FAM13C: variants seen among roughly 807,000 people sequenced by gnomAD.
The protein encoded by FAM13C is protein FAM13C.
In FAM13C, 37 loss-of-function variants were observed where a neutral mutation model predicts 73.2. The observed-to-expected ratio is 0.51, with a 90% CI of 0.39 to 0.67. The LOEUF (loss-of-function observed/expected upper bound fraction) is 0.67, where lower values mean the gene tolerates loss of function less well. Ranked by LOEUF, FAM13C falls within the 30% of genes least tolerant of loss-of-function variation. The pLI, the probability that FAM13C is intolerant of heterozygous loss-of-function variation, is 0.00. For synonymous variants in FAM13C, 246 were observed against 260.9 expected (o/e 0.94, Z 0.55); for missense variants, 589 against 715.6 (o/e 0.82, Z 2.02).
chr10:59,306,993 A>G (rs1402875983), intron 4 of FAM13C, among the ~76,000 whole-genome samples: 2 of 152,202 alleles, frequency 1.3e-5, no homozygotes, highest in Non-Finnish European at 2.9e-5. Flanking sequence ...CAAAGTATGG[A>G]GTGAAAGAGA....
At chr10:59,359,318 T>C (rs912863798) in intron 1 of FAM13C, among the ~76,000 whole-genome samples, 29 of 152,242 alleles carry the variant, frequency 1.9e-4, no homozygotes, top group Non-Finnish European at 2.8e-4. Context: ...TCAGTCTATA[T>C]GCCAGAGGAT....
At chr10:59,322,375 C>G (rs984513108) in intron 4 of FAM13C, among the ~76,000 whole-genome samples, 1 of 152,170 alleles carries the variant, frequency 6.6e-6, no homozygotes, top group African/African-American at 2.4e-5. Context: ...GTGCACAGAA[C>G]AGTCTGGAAT....
At chr10:59,286,534 T>TACAC (rs1554820185) in intron 5 of FAM13C, among the ~76,000 whole-genome samples, 5 of 141,936 alleles carry the variant, frequency 3.5e-5, no homozygotes, top group Non-Finnish European at 6.1e-5. Flanking sequence ...TATATATATA[T>TACAC]ATATATATTC....
intron 10 of FAM13C, among the ~76,000 whole-genome samples, chr10:59,259,178 T>G (rs1842231829): frequency 6.6e-6 from 1 of 152,178 alleles, no homozygotes; most frequent in African/African-American, 2.4e-5. Context: ...GGAAGAAAAT[T>G]ACTCATTGAC....
At chr10:59,358,580 G>T (rs1345683141) in intron 1 of FAM13C, among the ~76,000 whole-genome samples, 1 of 152,148 alleles carries the variant, frequency 6.6e-6, no homozygotes, top group East Asian at 1.9e-4. Context: ...CATCAATGAA[G>T]AACAAAAATC....
At chr10:59,254,174 T>C (rs1186248223) in intron 11 of FAM13C, 174 bp downstream of exon 11, 1 of 407,662 alleles carries the variant, frequency 2.5e-6, no homozygotes, top group African/African-American at 2.1e-5. Context: ...CAGCCACTGT[T>C]AAATATAGTA....
intron 6 of FAM13C, among the ~76,000 whole-genome samples, chr10:59,274,437 C>T (rs1844093485): frequency 6.6e-6 from 1 of 152,096 alleles, no homozygotes; most frequent in Non-Finnish European, 1.5e-5. Context: ...TGAAAAGGGA[C>T]TCTGCATTGG....
intron 10 of FAM13C, among the ~76,000 whole-genome samples, chr10:59,261,418 G>A (rs1403022824): frequency 6.6e-6 from 1 of 152,094 alleles, no homozygotes; most frequent in Non-Finnish European, 1.5e-5. Context: ...GTCACTTTAT[G>A]ATTAATACCA....
At chr10:59,342,397 G>A (rs900031881) in intron 3 of FAM13C, among the ~76,000 whole-genome samples, 5 of 151,658 alleles carry the variant, frequency 3.3e-5, no homozygotes, top group Non-Finnish European at 7.4e-5. Context: ...CAGACCACAT[G>A]AGTACAACTG....
intron 3 of FAM13C, among the ~76,000 whole-genome samples, chr10:59,335,637 C>A (rs1195210217): frequency 6.6e-6 from 1 of 152,154 alleles, no homozygotes; most frequent in Admixed American, 6.5e-5. Context: ...AAGGACCAGT[C>A]CCTAACAACA....
chr10:59,267,316 G>T (rs1308610262), intron 8 of FAM13C, among the ~76,000 whole-genome samples: 1 of 152,168 alleles, frequency 6.6e-6, no homozygotes, highest in East Asian at 1.9e-4. Flanking sequence ...TTCTATTGCA[G>T]AACCTACTCA....
chr10:59,329,323 CT>C (rs1170726288), intron 3 of FAM13C, among the ~76,000 whole-genome samples: 1 of 82,910 alleles, frequency 1.2e-5, no homozygotes, highest in African/African-American at 3.4e-5. Flanking sequence ...ATTTTTTTTT[CT>C]TTTTTTCTTT....
chr10:59,272,747 C>T lies in FAM13C; in HGVS notation c.593-2638G>A, dbSNP rs73298151. On this transcript the variant is annotated intron_variant, in intron 6 of 13. Coordinates refer to ENST00000618804, the MANE Select transcript of FAM13C (RefSeq NM_198215.4). The stretch of plus-strand genomic sequence containing the variant: ...TGTTTGGCCTGTCTTCCTCACAGGA[C>T]TGTGATAAGAAAAATAAAAGGAGAC... 9.4e-3 allele frequency among the ~76,000 whole-genome samples: 1,438 copies of T among 152,190 alleles called. 24 individuals are homozygous for T. The highest frequency in any genetic ancestry group is 0.033 in the African/African-American group (1,364 of 41,516).
chr10:59,310,657 C>G (rs1848814952), intron 4 of FAM13C, among the ~76,000 whole-genome samples: 1 of 152,120 alleles, frequency 6.6e-6, no homozygotes, highest in East Asian at 1.9e-4. Context: ...TGTTCAGAAA[C>G]TGACTTCCCA....
chr10:59,285,669 A>G (rs1185876197), intron 5 of FAM13C, among the ~76,000 whole-genome samples: 1 of 152,194 alleles, frequency 6.6e-6, no homozygotes, highest in Non-Finnish European at 1.5e-5. Flanking sequence ...CATTACTCAC[A>G]ATAACCAAGA....
intron 3 of FAM13C, among the ~76,000 whole-genome samples, chr10:59,332,289 T>C (rs549594699): frequency 6.6e-6 from 1 of 152,200 alleles, no homozygotes; most frequent in East Asian, 1.9e-4. Context: ...TTTTTTTATG[T>C]GGGATATGTT....
intron 6 of FAM13C, among the ~76,000 whole-genome samples, chr10:59,274,280 G>GT (rs1844073482): frequency 6.6e-6 from 1 of 152,168 alleles, no homozygotes; most frequent in Non-Finnish European, 1.5e-5. Flanking sequence ...GCACTAAAGG[G>GT]TTAGCTATAT....
Position 59,331,149 on chromosome 10 carries a change from G to C in FAM13C, c.325-7043C>G, listed in dbSNP as rs370914934. On this transcript the variant is annotated intron_variant, in intron 3 of 13. Transcript: ENST00000618804. ...GCAGTGGCAATGGTGGTGGGGGATG[G>C]AAGAGGTGGCAAGACACAAACTATA... Among the ~76,000 whole-genome samples, 22 of 152,328 alleles carry C rather than the reference G, an allele frequency of 1.4e-4. No individual in the cohort carries two copies. In the East Asian group the frequency reaches 3.1e-3, roughly 21 times the overall value.
chr10:59,309,375 A>G (rs1310666589), intron 4 of FAM13C, among the ~76,000 whole-genome samples: 1 of 152,174 alleles, frequency 6.6e-6, no homozygotes, highest in Non-Finnish European at 1.5e-5. Flanking sequence ...ACCCTTCTGC[A>G]CACTATACTT....
Sources: gnomAD v4.1 joint callset for allele counts (sites outside exome capture counted in the v4.1 genomes callset) on GRCh38, gnomAD v4.1.1 for gene constraint, MANE v1.5 for transcripts, NCBI Gene and HGNC (gene_info 2026-07-23, HGNC 2026-07-21) for gene names.